NRG4: variants seen among roughly 807,000 people sequenced by gnomAD.
NRG4 encodes neuregulin 4.
A neutral mutation model predicts 15.0 loss-of-function variants in NRG4; 10 were observed. The ratio of observed to expected loss-of-function variants is 0.67; its 90% CI spans 0.41 to 1.13. The LOEUF (loss-of-function observed/expected upper bound fraction) is 1.13, where lower values mean the gene tolerates loss of function less well. NRG4 is among the 50% of genes most tolerant of loss of function. NRG4 has a pLI of 0.00. For missense variants in NRG4, 139 were observed against 140.2 expected (o/e 0.99, Z 0.04); for synonymous variants, 41 against 50.1 (o/e 0.82, Z 0.77).
At chr15:76,026,084 G>A (rs940960011) in intron 5 of NRG4, among the ~76,000 whole-genome samples, 5 of 151,906 alleles carry the variant, frequency 3.3e-5, no homozygotes, top group Admixed American at 6.6e-5. Flanking sequence ...AGAAAAGAAG[G>A]GGAAAAAAGC....
At chr15:75,996,385 G>A (rs1567099406) in intron 3 of NRG4, among the ~76,000 whole-genome samples, 1 of 152,126 alleles carries the variant, frequency 6.6e-6, no homozygotes, top group Non-Finnish European at 1.5e-5. Flanking sequence ...CAACTTCATT[G>A]AGTAGTATGA....
At chr15:75,948,052 G>A (rs1026884345) in intron 5 of NRG4, among the ~76,000 whole-genome samples, 3 of 151,974 alleles carry the variant, frequency 2.0e-5, no homozygotes, top group Non-Finnish European at 2.9e-5. Flanking sequence ...TATATTCTGG[G>A]TATCAAATCC....
At chr15:76,001,165 T>C (rs1322049493) in intron 3 of NRG4, among the ~76,000 whole-genome samples, 1 of 151,788 alleles carries the variant, frequency 6.6e-6, no homozygotes, top group Non-Finnish European at 1.5e-5. Flanking sequence ...TTTTGTTTTG[T>C]TTTGTTTGGT....
At chr15:76,025,897 C>G (rs2035303957) in intron 5 of NRG4, among the ~76,000 whole-genome samples, 1 of 150,960 alleles carries the variant, frequency 6.6e-6, no homozygotes, top group Non-Finnish European at 1.5e-5. Flanking sequence ...AAAAAAAATG[C>G]AAGTGAGAGC....
rs1341462956 is a variant in NRG4, at chr15:75,977,164, C to T, written c.105-15190G>A. On this transcript the variant is annotated intron_variant, in intron 3 of 5. Coordinates refer to ENST00000394907, the MANE Select transcript of NRG4 (RefSeq NM_138573.4). The surrounding 1 kb of genome is among the most constrained non-coding windows in gnomAD (Gnocchi z 4.9). ...ACTGCCCACTCAAGCCTCCAGATGC[C>T]CCTCCCCCAACCAAGACTGAGCATC... 1.3e-5 allele frequency among the ~76,000 whole-genome samples: 2 copies of T among 152,076 alleles called. No individual in the cohort carries two copies. Among genetic ancestry groups the T allele is most frequent in the Non-Finnish European group, 2.9e-5 (2 of 68,018 alleles).
intron 5 of NRG4, among the ~76,000 whole-genome samples, chr15:75,949,892 G>C (rs2141779722): frequency 6.6e-6 from 1 of 152,284 alleles, no homozygotes; most frequent in South Asian, 2.1e-4. Context: ...TGGTCTATCT[G>C]GATGCCCAGT....
downstream of NRG4, chr15:75,939,378 A>T (rs1054481017): frequency 2.0e-5 from 3 of 152,172 alleles, no homozygotes; most frequent in African/African-American, 7.2e-5. Context: ...AAAAAAATTT[A>T]AAAATCTCAA....
chr15:75,948,393 G>T (rs558911879), intron 5 of NRG4, among the ~76,000 whole-genome samples: 21 of 151,724 alleles, frequency 1.4e-4, no homozygotes, highest in African/African-American at 5.1e-4. Flanking sequence ...TCCGCCTGCC[G>T]GCTTCAAGCA....
intron 3 of NRG4, among the ~76,000 whole-genome samples, chr15:75,965,162 T>C (rs574530588): frequency 6.6e-6 from 1 of 151,852 alleles, no homozygotes; most frequent in African/African-American, 2.4e-5. Context: ...GAGGCGGAGC[T>C]TGCAGTGAGC....
At chr15:76,015,095 T>C (rs1266249006), upstream of NRG4, among the ~76,000 whole-genome samples, 1 of 152,204 alleles carries the variant, frequency 6.6e-6, no homozygotes, top group East Asian at 1.9e-4. Flanking sequence ...TATTTTATTC[T>C]CTTAGTAGCA....
At chr15:76,059,506 GTCCTCCGCTTC>G (rs1567134509) in intron 1 of NRG4, 1 of 152,428 alleles carries the variant, frequency 6.6e-6, no homozygotes, top group African/African-American at 2.4e-5. Context: ...TCCCGCGGGG[GTCCTCCGCTTC>G]CCCGAGCGAC....
At chr15:76,036,122 C>T (rs1316243370) in intron 4 of NRG4, 1 of 152,146 alleles carries the variant, frequency 6.6e-6, no homozygotes, top group Non-Finnish European at 1.5e-5. Context: ...CTTTATTCTT[C>T]TCTGGGGCAC....
chr15:76,035,899 A>C (rs1405838031), intron 5 of NRG4: 2 of 152,182 alleles, frequency 1.3e-5, no homozygotes, highest in African/African-American at 4.8e-5. Flanking sequence ...GAAATAGATA[A>C]ACGTTGTGAA....
downstream of NRG4, chr15:75,937,070 T>C (rs2030415712): frequency 6.6e-6 from 1 of 152,094 alleles, no homozygotes; most frequent in Non-Finnish European, 1.5e-5. Context: ...GACTAAAATT[T>C]AATCACTATA....
intron 3 of NRG4, among the ~76,000 whole-genome samples, chr15:75,963,135 A>G (rs1012419462): frequency 2.6e-5 from 4 of 152,202 alleles, no homozygotes; most frequent in African/African-American, 9.6e-5. Flanking sequence ...AGCACAAAGG[A>G]TCAATTTGAG....
At chr15:76,046,495 A>G (rs2035872392) in intron 4 of NRG4, among the ~76,000 whole-genome samples, 1 of 151,256 alleles carries the variant, frequency 6.6e-6, no homozygotes, top group Non-Finnish European at 1.5e-5. Flanking sequence ...TACTGGCATA[A>G]AAACAGACAC....
chr15:76,013,875 G>A (rs2034894334), upstream of NRG4, among the ~76,000 whole-genome samples: 2 of 152,118 alleles, frequency 1.3e-5, no homozygotes, highest in Non-Finnish European at 2.9e-5. Context: ...GGATTGCTGG[G>A]TCAAATGGTA....
At chr15:75,973,091 C>T (rs1053801508) in intron 3 of NRG4, among the ~76,000 whole-genome samples, 9 of 152,146 alleles carry the variant, frequency 5.9e-5, no homozygotes, top group African/African-American at 2.4e-5. Context: ...CTTCACATCC[C>T]TTGTAAATTG....
chr15:75,956,269 T>A (rs754484957), intron 4 of NRG4, among the ~76,000 whole-genome samples: 3 of 152,202 alleles, frequency 2.0e-5, no homozygotes, highest in Non-Finnish European at 2.9e-5. Context: ...GGGGACCAGA[T>A]GCTGATGATG....
Sources: allele counts gnomAD v4.1 joint callset (sites outside exome capture counted in the v4.1 genomes callset), GRCh38; gene constraint gnomAD v4.1.1; non-coding constraint Gnocchi (gnomAD v3.1); transcripts MANE v1.5; gene names NCBI Gene and HGNC (gene_info 2026-07-23, HGNC 2026-07-21).